Variants in TBC1D5 observed in about 807,000 individuals in gnomAD.
The protein encoded by TBC1D5 is TBC1 domain family member 5, also known as TBC1 domain family, member 5.
In TBC1D5, 75 loss-of-function variants were observed where a neutral mutation model predicts 100.3. That is an observed-to-expected ratio of 0.75 (90% CI 0.62 to 0.91). The LOEUF is 0.91. Ranked by LOEUF, TBC1D5 falls within the 40% of genes least tolerant of loss-of-function variation. The pLI, the probability that TBC1D5 is intolerant of heterozygous loss-of-function variation, is 0.00. For synonymous variants in TBC1D5, 323 were observed against 325.6 expected (o/e 0.99, Z 0.09); for missense variants, 910 against 942.4 (o/e 0.97, Z 0.45).
intron 1 of TBC1D5, among the ~76,000 whole-genome samples, chr3:17,630,603 C>G (rs888808222): frequency 2.6e-5 from 4 of 152,106 alleles, no homozygotes; most frequent in Non-Finnish European, 5.9e-5. Flanking sequence ...CTCCCTATTC[C>G]CTGAGATATG....
At chr3:17,595,333 T>C (rs1265213157) in intron 2 of TBC1D5, among the ~76,000 whole-genome samples, 2 of 152,288 alleles carry the variant, frequency 1.3e-5, no homozygotes, top group East Asian at 3.9e-4. Flanking sequence ...GGTAGTTTAA[T>C]AAAAATGGAG....
chr3:17,495,632 A>G (rs2095697441), intron 3 of TBC1D5, among the ~76,000 whole-genome samples: 1 of 152,250 alleles, frequency 6.6e-6, no homozygotes, highest in African/African-American at 2.4e-5. Flanking sequence ...AGAGTAGGCC[A>G]GATAGAAGAA....
In TBC1D5 at chr3:17,287,339, T is replaced by C. The variant is rs894451696; in HGVS notation, c.1245+4556A>G. ...CTAAAAAATGAGCAGGATCCAGTCC[T>C]AAGGCGTAATAACTTACAAAACACA... On this transcript the variant is annotated intron_variant, in intron 15 of 21. Transcript: ENST00000253692. Among the ~76,000 whole-genome samples the C allele has an allele frequency of 2.6e-5, 4 of 152,232 alleles. No individual in the cohort carries two copies. In the South Asian group the frequency reaches 6.2e-4, roughly 24 times the overall value.
intron 16 of TBC1D5, among the ~76,000 whole-genome samples, chr3:17,243,751 T>A (rs1014246962): frequency 1.3e-5 from 2 of 151,870 alleles, no homozygotes; most frequent in African/African-American, 2.4e-5. Flanking sequence ...TTTGATTGGG[T>A]TTGGTTTGGC....
chr3:17,552,124 T>A (rs1009267756), intron 2 of TBC1D5, among the ~76,000 whole-genome samples: 3 of 151,386 alleles, frequency 2.0e-5, no homozygotes, highest in African/African-American at 7.3e-5. Flanking sequence ...ACTCAACAAC[T>A]AAAATTTGAA....
chr3:17,327,507 T>C (rs1180021832), intron 13 of TBC1D5, among the ~76,000 whole-genome samples: 1 of 152,220 alleles, frequency 6.6e-6, no homozygotes, highest in East Asian at 1.9e-4. Flanking sequence ...GGTTTGAGCA[T>C]GTCAGTCATA....
chr3:17,664,697 T>C (rs1004558005), intron 1 of TBC1D5, among the ~76,000 whole-genome samples: 5 of 152,208 alleles, frequency 3.3e-5, no homozygotes, highest in South Asian at 2.1e-4. Flanking sequence ...AAACACATTA[T>C]AGGACAAAAG....
At chr3:17,185,334 A>G in intron 18 of TBC1D5, 126 bp from the exon 20 acceptor site, 1 of 672,282 alleles carries the variant, frequency 1.5e-6, no homozygotes, top group Non-Finnish European at 2.3e-6. Context: ...ACAAATCTAA[A>G]TAGCAAACAA....
At position 17,638,931 on chromosome 3, in the gene TBC1D5, T is replaced by C. The variant is rs182373076; in HGVS notation, c.-100-15018A>G. On this transcript the variant is annotated intron_variant, in intron 1 of 21. Transcript: ENST00000253692. ...TTGTTAATGGGAGTGTGTAACAGTA[T>C]AGCCACTTCAGAAAACAGCTGGGAA... is the stretch of plus-strand genomic sequence containing the variant. Among the ~76,000 whole-genome samples the C allele has an allele frequency of 7.1e-4, 108 of 152,242 alleles. 1 individual carries two copies. Among genetic ancestry groups the C allele is most frequent in the African/African-American group, 2.5e-3 (102 of 41,542 alleles).
At position 17,376,604 on chromosome 3, in the gene TBC1D5, C is replaced by T. The variant is rs376019761; in HGVS notation, c.622G>A (p.Glu208Lys). 6.2e-6 allele frequency: 10 copies of T among 1,609,812 alleles called. No homozygotes were observed. Among genetic ancestry groups the T allele is most frequent in the South Asian group, 2.2e-5 (2 of 90,160 alleles). ...ACAAAGACTATAGGTGCTAACAGTTCGTGCATGCCCTGAAATAAAAGAGCC... is the reference window on the plus strand; with the variant it reads ...ACAAAGACTATAGGTGCTAACAGTTTGTGCATGCCCTGAAATAAAAGAGCC... The change falls in exon 10 of 22, where the codon GAA becomes AAA. Residue 208 changes from glutamate (E) to lysine (K), a missense_variant. Physicochemically the swap from Glu to Lys is moderately conservative, Grantham distance 56 (BLOSUM62 1). Coordinates refer to ENST00000253692, the Ensembl canonical transcript of TBC1D5.
chr3:17,694,976 A>G (rs1462424750), intron 1 of TBC1D5, among the ~76,000 whole-genome samples: 1 of 152,194 alleles, frequency 6.6e-6, no homozygotes, highest in Non-Finnish European at 1.5e-5. Flanking sequence ...TCAACCCAGA[A>G]TTTCATATCC....
chr3:17,496,132 G>A (rs2095704158), intron 3 of TBC1D5, among the ~76,000 whole-genome samples: 1 of 152,052 alleles, frequency 6.6e-6, no homozygotes, highest in African/African-American at 2.4e-5. Context: ...TCTTTTTTAA[G>A]GAGCCAAGAA....
chr3:17,256,987 T>C (rs1464551398), intron 16 of TBC1D5, among the ~76,000 whole-genome samples: 1 of 152,064 alleles, frequency 6.6e-6, no homozygotes, highest in African/African-American at 2.4e-5. Flanking sequence ...AAGGCTGATG[T>C]GGCTGTAGCA....
At chr3:17,670,591 G>A (rs1400375213) in intron 1 of TBC1D5, among the ~76,000 whole-genome samples, 2 of 152,126 alleles carry the variant, frequency 1.3e-5, no homozygotes, top group African/African-American at 4.8e-5. Context: ...CAGCAACAGT[G>A]GTTCTCTATC....
intron 8 of TBC1D5, among the ~76,000 whole-genome samples, chr3:17,396,140 A>G (rs1173965530): frequency 6.6e-6 from 1 of 152,220 alleles, no homozygotes; most frequent in East Asian, 1.9e-4. Flanking sequence ...GAACAAGTGC[A>G]TATGTGAGGG....
rs565149318 is a variant in TBC1D5, at chr3:17,253,827, G to A, written c.1331+4679C>T. Among the ~76,000 whole-genome samples, 4 of 152,292 alleles carry A rather than the reference G, an allele frequency of 2.6e-5. No individual in the cohort carries two copies. The East Asian group carries it at 7.7e-4, about 29-fold the overall frequency. ...GCATATATCAGTATGCTTAACCCTT[G>A]AACAACACAGGTTTGAACTACACGG... On this transcript the variant is annotated intron_variant, in intron 16 of 21. Coordinates refer to ENST00000253692, the Ensembl canonical transcript of TBC1D5.
intron 4 of TBC1D5, among the ~76,000 whole-genome samples, chr3:17,426,645 T>C (rs866998221): frequency 6.6e-6 from 1 of 152,048 alleles, no homozygotes; most frequent in Non-Finnish European, 1.5e-5. Context: ...GTATTTATTG[T>C]GCAAAGCTAC....
chr3:17,349,702 C>T lies in TBC1D5; in HGVS notation c.995+22373G>A, dbSNP rs182506525. On this transcript the variant is annotated intron_variant, in intron 13 of 21. Transcript: ENST00000253692. The stretch of plus-strand genomic sequence containing the variant: ...CCCAAATGAAAATTATTGTTTTGTC[C>T]TTTCCATTAAATTCTTAATGTCTTC... Among the ~76,000 whole-genome samples the T allele has an allele frequency of 2.5e-3, 386 of 152,218 alleles. 4 individuals carry two copies. The highest frequency in any genetic ancestry group is 1.2e-3 in the East Asian group (6 of 5,188).
chr3:17,403,358 T>A lies in TBC1D5; in HGVS notation c.442-110A>T, dbSNP rs191786483. The stretch of plus-strand genomic sequence containing the variant: ...AAATTTATTCTTCTCTGAGATCATT[T>A]CACATTGCAGATAGAAAACCTGAGA... On this transcript the variant is annotated intron_variant, in intron 7 of 21. Transcript: ENST00000253692. 8.7e-4 allele frequency: 565 copies of A among 651,284 alleles called. 2 individuals carry two copies. In the African/African-American group the frequency reaches 9.3e-3, roughly 11 times the overall value. The allele number at this position is 651,284 out of a possible 1,614,324, so 40.3% of individuals were successfully genotyped here.
Sources: gnomAD v4.1 joint callset for allele counts (sites outside exome capture counted in the v4.1 genomes callset) on GRCh38, gnomAD v4.1.1 for gene constraint, MANE v1.5 for transcripts, NCBI Gene and HGNC (gene_info 2026-07-23, HGNC 2026-07-21) for gene names.